Variants in NRXN1 observed in about 807,000 individuals in gnomAD.
NRXN1 encodes neurexin-1.
A neutral mutation model predicts 150.9 loss-of-function variants in NRXN1; 39 were observed. The ratio of observed to expected loss-of-function variants is 0.26; its 90% CI spans 0.20 to 0.34. NRXN1 has a LOEUF of 0.34. Among genes scored for constraint, NRXN1 ranks in the 10% least tolerant of loss-of-function variants. The probability of loss-of-function intolerance (pLI) is 1.00; values close to 1 mark genes in which losing one functional copy is unlikely to be tolerated. For synonymous variants in NRXN1, 924 were observed against 757.0 expected, an observed-to-expected ratio of 1.22 and a Z score of -3.62; for missense variants, 1,815 against 1,949.9, an observed-to-expected ratio of 0.93 and a Z score of 1.30.
At chr2:49,969,228 C>T (rs1677511505) in intron 21 of NRXN1, among the ~76,000 whole-genome samples, 1 of 152,002 alleles carries the variant, frequency 6.6e-6, no homozygotes, top group African/African-American at 2.4e-5. Context: ...AGTCCCACTA[C>T]AAATCTAAAG....
rs2059956151 is a variant in NRXN1, at chr2:50,170,361, T to A, written c.3546+66428A>T. ...CCCAGTCTGGAGTGCAGTGGCACGA[T>A]CTCAGCTCACTGCAACCTCCGCCTC... On this transcript the variant is annotated intron_variant, in intron 18 of 22. Transcript: ENST00000401669. Among the ~76,000 whole-genome samples, 10 of 152,246 alleles carry A rather than the reference T, an allele frequency of 6.6e-5. No individual in the cohort carries two copies. The South Asian group carries it at 2.1e-3, about 32-fold the overall frequency.
rs61580117 is a variant in NRXN1, at chr2:50,790,135, C to CCACACA, written c.832+131728_832+131733dup. On this transcript the variant is annotated intron_variant, in intron 5 of 22. Transcript: ENST00000401669. ...TTTTAACTCTCCTTATTCCCTCCCA[C>CCACACA]CACACACACACACACACACACACAC... is the stretch of plus-strand genomic sequence containing the variant. Among the ~76,000 whole-genome samples, 95 of 146,922 alleles carry CCACACA rather than the reference C, an allele frequency of 6.5e-4. 2 individuals carry two copies. Among genetic ancestry groups the CCACACA allele is most frequent in the Middle Eastern group, 3.4e-3 (1 of 290 alleles).
At position 50,514,047 on chromosome 2, in the gene NRXN1, CTTTA is replaced by C. The variant is rs760123625; in HGVS notation, c.2375-7434_2375-7431del. Among the ~76,000 whole-genome samples, 368 of 152,214 alleles carry C rather than the reference CTTTA, an allele frequency of 2.4e-3. 3 individuals carry two copies. Among genetic ancestry groups the C allele is most frequent in the Non-Finnish European group, 3.3e-3 (222 of 67,998 alleles). ...GCAAACCAATTGGTTCTAAAGTTCA[CTTTA>C]TTTGTCTAACATATTCATTGTAATT... is the stretch of plus-strand genomic sequence containing the variant. On this transcript the variant is annotated intron_variant, in intron 12 of 22. Transcript: ENST00000401669.
intron 21 of NRXN1, among the ~76,000 whole-genome samples, chr2:49,995,564 G>A (rs929313725): frequency 4.0e-5 from 6 of 151,406 alleles, no homozygotes; most frequent in African/African-American, 1.2e-4. Flanking sequence ...GGCGGATCAC[G>A]AGGTCAGGAG....
At chr2:50,959,281 T>C (rs1692768946) in intron 2 of NRXN1, among the ~76,000 whole-genome samples, 1 of 151,952 alleles carries the variant, frequency 6.6e-6, no homozygotes, top group Non-Finnish European at 1.5e-5. Flanking sequence ...GAACGGAAAA[T>C]ATATGTTCAC....
chr2:50,964,293 C>T (rs1693696533), intron 2 of NRXN1, among the ~76,000 whole-genome samples: 1 of 151,370 alleles, frequency 6.6e-6, no homozygotes, highest in South Asian at 2.1e-4. Flanking sequence ...AAACTATGAC[C>T]GTTTTCAAAA....
chr2:50,450,779 C>T (rs1433132549), intron 17 of NRXN1, among the ~76,000 whole-genome samples: 1 of 152,110 alleles, frequency 6.6e-6, no homozygotes, highest in Non-Finnish European at 1.5e-5. Flanking sequence ...AGGTATCAGC[C>T]AGAGAGACAG....
rs1451575511 is a variant in NRXN1 at position 50,772,186 on chromosome 2, A to C, written c.833-148571T>G. On this transcript the variant is annotated intron_variant, in intron 5 of 22. Transcript: ENST00000401669. ...TCTCCGATGTGCTTGCCTAACACAT[A>C]AAAATGCCTGGGCGCAACCCAACCT... Among the ~76,000 whole-genome samples, 4 of 151,942 alleles carry C rather than the reference A, an allele frequency of 2.6e-5. No homozygotes were observed. The East Asian group carries it at 5.8e-4, about 22-fold the overall frequency.
rs75486783 is a variant in NRXN1 at position 50,495,862 on chromosome 2, C to A, written c.3070+43G>T. ...AAGGATTTTCCATGTGAAGGGAGACCGTGTGGTGCAAGGCTCGTTGCTCTG... is the reference window on the plus strand; with the variant it reads ...AAGGATTTTCCATGTGAAGGGAGACAGTGTGGTGCAAGGCTCGTTGCTCTG... On this transcript the variant is annotated intron_variant, in intron 15 of 22. Transcript: ENST00000401669. 6,752 of 1,496,670 alleles carry A rather than the reference C, an allele frequency of 4.5e-3. 230 individuals carry two copies. The African/African-American group carries it at 0.077, about 17-fold the overall frequency. 92.7% of individuals were successfully genotyped at this position (1,496,670 alleles called of 1,614,324 possible).
At chr2:50,647,745 T>C (rs59065077) in intron 5 of NRXN1, among the ~76,000 whole-genome samples, 3,211 of 151,998 alleles carry the variant, frequency 0.021, 105 homozygotes, top group African/African-American at 0.072. Flanking sequence ...TTGTAAATAA[T>C]TAAAATATTA....
chr2:50,244,394 TGTC>T (rs2152890144), intron 17 of NRXN1, among the ~76,000 whole-genome samples: 1 of 152,004 alleles, frequency 6.6e-6, no homozygotes, highest in Non-Finnish European at 1.5e-5. Flanking sequence ...TGTTCATTGG[TGTC>T]GTATAAAACT....
At chr2:50,166,933 G>A (rs528445638) in intron 18 of NRXN1, among the ~76,000 whole-genome samples, 35 of 152,140 alleles carry the variant, frequency 2.3e-4, no homozygotes, top group Admixed American at 6.6e-4. Context: ...AGCAAAACCT[G>A]TAGTCAAGTA....
intron 18 of NRXN1, among the ~76,000 whole-genome samples, chr2:50,108,795 T>C (rs1033050742): frequency 6.6e-6 from 1 of 152,104 alleles, no homozygotes; most frequent in Non-Finnish European, 1.5e-5. Flanking sequence ...CCAATAGGTC[T>C]TAGCGTTGGT....
At chr2:50,434,711 C>G in intron 17 of NRXN1, among the ~76,000 whole-genome samples, 1 of 152,100 alleles carries the variant, frequency 6.6e-6, no homozygotes, top group Non-Finnish European at 1.5e-5. Flanking sequence ...ATCTTGAAAC[C>G]ATGGAATGGA....
In NRXN1 at chr2:50,733,974, G is replaced by A. The variant is rs984209429; in HGVS notation, c.833-110359C>T. ...GATGTTTATGTTTCATAGTTCATTT[G>A]CCTTAACTATTAGAAGTTATTCTTA... On this transcript the variant is annotated intron_variant, in intron 5 of 22. Transcript: ENST00000401669. Among the ~76,000 whole-genome samples, 6 of 152,168 alleles carry A rather than the reference G, an allele frequency of 3.9e-5. No homozygotes were observed. The East Asian group carries it at 1.2e-3, about 29-fold the overall frequency.
In NRXN1 at chr2:50,024,552, T is replaced by A. The variant is rs531910648; in HGVS notation, c.4128+28719A>T. 2.3e-3 allele frequency among the ~76,000 whole-genome samples: 343 copies of A among 152,284 alleles called. 2 individuals are homozygous for A. The highest frequency in any genetic ancestry group is 8.0e-3 in the African/African-American group (332 of 41,548). ...TCAATTATGGCTGTGGCTAAAGAAT[T>A]AAAGTTTGAGTGCAGAGAATCAGGT... On this transcript the variant is annotated intron_variant, in intron 21 of 22. Coordinates refer to ENST00000401669, the MANE Select transcript of NRXN1 (RefSeq NM_001330078.2).
chr2:49,973,975 T>C, intron 21 of NRXN1: 1 of 717,238 alleles, frequency 1.4e-6, no homozygotes, highest in Non-Finnish European at 2.6e-6. Flanking sequence ...TACCTGCAAG[T>C]TTTCACAGTG....
At chr2:49,980,748 A>C (rs1371689623) in intron 21 of NRXN1, among the ~76,000 whole-genome samples, 1 of 152,154 alleles carries the variant, frequency 6.6e-6, no homozygotes, top group Non-Finnish European at 1.5e-5. Flanking sequence ...AGAAACCATG[A>C]ATGTGCAGAT....
At chr2:50,022,404 C>G (rs1460888638) in intron 21 of NRXN1, among the ~76,000 whole-genome samples, 1 of 152,106 alleles carries the variant, frequency 6.6e-6, no homozygotes, top group Non-Finnish European at 1.5e-5. Context: ...TTTATTAGCT[C>G]TTGTACTTAA....
Sources: allele counts gnomAD v4.1 joint callset (sites outside exome capture counted in the v4.1 genomes callset), GRCh38; gene constraint gnomAD v4.1.1; transcripts MANE v1.5; gene names NCBI Gene and HGNC (gene_info 2026-07-23, HGNC 2026-07-21).